Variants in HTRA4 observed in about 807,000 individuals in gnomAD.
HTRA4 encodes HtrA serine peptidase 4.
Under a neutral mutation model 49.1 loss-of-function variants are expected in HTRA4, and 46 were observed. The observed-to-expected ratio is 0.94, with a 90% CI of 0.74 to 1.20. HTRA4 has a LOEUF of 1.20. Ranked by LOEUF, HTRA4 falls within the 50% of genes most tolerant of loss-of-function variation. The pLI is 0.00. For missense variants in HTRA4, 602 were observed against 636.9 expected, an observed-to-expected ratio of 0.95 and a Z score of 0.59; for synonymous variants, 261 against 264.0, an observed-to-expected ratio of 0.99 and a Z score of 0.11.
Position 38,988,104 on chromosome 8 carries a change from T to C in HTRA4, c.*6T>C, listed in dbSNP as rs749251540. 6.4e-7 allele frequency: 1 copy of C among 1,568,322 alleles called. No individual in the cohort carries two copies. The highest frequency in any genetic ancestry group is 2.0e-5 in the Admixed American group (1 of 48,950). ...TACCTGAAACAATCAATTAAATATC[T>C]TGTTTTAAAGTGGGATTATCTAAAA... is the stretch of plus-strand genomic sequence containing the variant. On this transcript the variant is annotated 3_prime_UTR_variant, in exon 9 of 9. Transcript: ENST00000302495.
rs1564179001 is a variant in HTRA4, at chr8:38,981,076, T to TTTTTTTTG, written c.1000-570_1000-569insGTTTTTTT. ...AAATGAGCTTAAGTTTTTTTTTTTT[T>TTTTTTTTG]TTTTTTTTTTTTTTTTTTTTTGAGA... On this transcript the variant is annotated intron_variant, in intron 5 of 8. Transcript: ENST00000302495. Among the ~76,000 whole-genome samples the TTTTTTTTG allele has an allele frequency of 8.6e-4, 90 of 104,264 alleles. No homozygotes were observed. In the East Asian group the frequency reaches 0.02, roughly 23 times the overall value. The allele number at this position is 104,264 out of a possible 152,430, so 68.4% of individuals were successfully genotyped here.
intron 8 of HTRA4, 35 bp from the exon 9 acceptor site, chr8:38,987,901 G>A (rs1835503623): frequency 6.6e-7 from 1 of 1,511,022 alleles, no homozygotes; most frequent in South Asian, 1.3e-5. Context: ...TCTTGTTATA[G>A]TTTCATGATC....
rs114896954 is a variant in HTRA4, at chr8:38,976,557, G to A, written c.589G>A (p.Val197Ile). 1 of 1,614,040 alleles carries A rather than the reference G, an allele frequency of 6.2e-7. No homozygotes were observed. The highest frequency in any genetic ancestry group is 8.5e-7 in the Non-Finnish European group (1 of 1,180,040). Residue 197 changes from valine to isoleucine, a missense_variant, in exon 3 of 9, where the codon GTT becomes ATT. Physicochemically the swap from Val to Ile is conservative, Grantham distance 29 (BLOSUM62 3). Coordinates refer to ENST00000302495, the MANE Select transcript of HTRA4 (RefSeq NM_153692.4). ...WGRLLHGSRL[V>I]PVYSGSGFIV... ...CAGGTTACTTCACGGCAGCAGGCTTGTTCCTGTGTACAGTGGCTCTGGGTT... is the reference window on the plus strand; with the variant it reads ...CAGGTTACTTCACGGCAGCAGGCTTATTCCTGTGTACAGTGGCTCTGGGTT...
rs746974269 is a variant in HTRA4 at position 38,979,299 on chromosome 8, C to G, written c.999+52C>G. 4 of 1,540,906 alleles carry G rather than the reference C, an allele frequency of 2.6e-6. No homozygotes were observed. The South Asian group carries it at 4.5e-5, about 17-fold the overall frequency. ...CATGTTTCTTCTTAACTTTCAAAGACTTTATTAATTCCAGGCCAGGGGTGG... is the reference window on the plus strand; with the variant it reads ...CATGTTTCTTCTTAACTTTCAAAGAGTTTATTAATTCCAGGCCAGGGGTGG... On this transcript the variant is annotated intron_variant, in intron 5 of 8. Coordinates refer to ENST00000302495, the MANE Select transcript of HTRA4 (RefSeq NM_153692.4).
intron 5 of HTRA4, among the ~76,000 whole-genome samples, chr8:38,980,411 A>C (rs1331097664): frequency 1.3e-5 from 2 of 151,996 alleles, no homozygotes; most frequent in Non-Finnish European, 2.9e-5. Flanking sequence ...CTGAATTACA[A>C]TCTGTAGTTT....
chr8:38,976,739 TGTGA>T lies in HTRA4; in HGVS notation c.771+3_771+6del, dbSNP rs1437940039. ...TTGCGGTGATTAAGATTGAATCAAA[TGTGA>T]GTATTTCAGGGCTGAGTCAGAGTCT... is the stretch of plus-strand genomic sequence containing the variant. On this transcript the variant is annotated splice_donor_variant and splice_donor_region_variant and intron_variant, in intron 3 of 8. Transcript: ENST00000302495. LOFTEE classifies it high-confidence loss of function. 1 of 1,614,136 alleles carries T rather than the reference TGTGA, an allele frequency of 6.2e-7. No homozygotes were observed. Among genetic ancestry groups the T allele is most frequent in the Non-Finnish European group, 8.5e-7 (1 of 1,179,994 alleles).
At position 38,976,671 on chromosome 8, in the gene HTRA4, C is replaced by G. The variant is rs762784588; in HGVS notation, c.703C>G (p.Arg235Gly). 1.9e-6 allele frequency: 3 copies of G among 1,613,582 alleles called. No individual in the cohort carries two copies. In the African/African-American group the frequency reaches 4.0e-5, roughly 22 times the overall value. ...WIEVVLQNGA[R>G]YEAVVKDIDL... ...TGAGGTGGTGCTCCAGAATGGGGCC[C>G]GTTATGAAGCTGTTGTCAAGGATAT... Residue 235 changes from arginine to glycine, a missense_variant, in exon 3 of 9, where the codon CGT becomes GGT. By Grantham distance (125) the Arg-to-Gly change is moderately radical (BLOSUM62 -2). Transcript: ENST00000302495.
Position 38,974,278 on chromosome 8 carries a change from G to A in HTRA4, c.15G>A (p.Gln5=). 1 of 1,612,244 alleles carries A rather than the reference G, an allele frequency of 6.2e-7. No individual in the cohort carries two copies. The highest frequency in any genetic ancestry group is 1.1e-5 in the South Asian group (1 of 90,668). The change falls in exon 1 of 9, where the codon CAG becomes CAA. Residue 5 remains glutamine, a synonymous_variant. Coordinates refer to ENST00000302495, the MANE Select transcript of HTRA4 (RefSeq NM_153692.4). MIRP[Q]LRTAGLGRCL... is the part of the protein sequence containing the mutation. ...GAAGGAACAGGATGATTAGACCTCA[G>A]CTGCGGACCGCGGGGCTGGGACGAT...
At position 38,988,081 on chromosome 8, in the gene HTRA4, C is replaced by A. The variant is rs757525622; in HGVS notation, c.1414C>A (p.Pro472Thr). 1.3e-6 allele frequency: 2 copies of A among 1,589,748 alleles called. No homozygotes were observed. The highest frequency in any genetic ancestry group is 1.7e-6 in the Non-Finnish European group (2 of 1,172,886). Reference sequence around the variant, plus strand: ...AGATAATTTGCTCCTGACAGTCATACCTGAAACAATCAATTAAATATCTTG... The same window carrying A: ...AGATAATTTGCTCCTGACAGTCATAACTGAAACAATCAATTAAATATCTTG... ...GKDNLLLTVI[P>T]ETIN Residue 472 changes from proline to threonine, a missense_variant, in exon 9 of 9, where the codon CCT (proline) becomes ACT (threonine). Coordinates refer to ENST00000302495, the MANE Select transcript of HTRA4 (RefSeq NM_153692.4).
chr8:38,984,090 T>A (rs1352268101), intron 8 of HTRA4, among the ~76,000 whole-genome samples: 1 of 151,874 alleles, frequency 6.6e-6, no homozygotes, highest in Non-Finnish European at 1.5e-5. Flanking sequence ...AACCTCCACC[T>A]CTCAGGTTCA....
In HTRA4 at chr8:38,974,481, C is replaced by T. The variant is rs1034059950; in HGVS notation, c.218C>T (p.Pro73Leu). The change falls in exon 1 of 9, where the codon CCC becomes CTC. Residue 73 changes from proline (P) to leucine (L), a missense_variant. Pro to Leu is a moderately conservative substitution (Grantham distance 98). Coordinates refer to ENST00000302495, the MANE Select transcript of HTRA4 (RefSeq NM_153692.4). ...FDLCRCCRVC[P>L]AAEREVCGGA... is the part of the protein sequence containing the mutation. ...CTGTGCCGCTGTTGCCGCGTCTGCC[C>T]CGCGGCCGAGCGTGAAGTCTGCGGC... The T allele has an allele frequency of 2.6e-6, 4 of 1,523,120 alleles. No individual in the cohort carries two copies. In the African/African-American group the frequency reaches 4.2e-5, roughly 16 times the overall value. The allele number at this position is 1,523,120 out of a possible 1,614,324, so 94.4% of individuals were successfully genotyped here.
At chr8:38,983,404 T>G (rs1202621860) in intron 8 of HTRA4, among the ~76,000 whole-genome samples, 1 of 151,958 alleles carries the variant, frequency 6.6e-6, no homozygotes, top group African/African-American at 2.4e-5. Flanking sequence ...GGTGCGCCTG[T>G]AATTGCAGTT....
chr8:38,979,162 G>A, intron 4 of HTRA4, 53 bp from the exon 5 acceptor site: 1 of 1,485,494 alleles, frequency 6.7e-7, no homozygotes, highest in Non-Finnish European at 9.4e-7. Flanking sequence ...TAAAGGACAA[G>A]GGGGAATGTA....
At chr8:38,980,793 A>G (rs1198305974) in intron 5 of HTRA4, among the ~76,000 whole-genome samples, 1 of 152,066 alleles carries the variant, frequency 6.6e-6, no homozygotes, top group Non-Finnish European at 1.5e-5. Flanking sequence ...CATTACCTAA[A>G]AGGCTAAAGG....
At chr8:38,974,929 C>T in intron 1 of HTRA4, 102 bp from the exon 2 acceptor site, 2 of 1,407,768 alleles carry the variant, frequency 1.4e-6, no homozygotes, top group African/African-American at 2.8e-5. Flanking sequence ...TTCTCCCTCC[C>T]CATGCACCTT....
rs991396153 is a variant in HTRA4 at position 38,988,304 on chromosome 8, C to T, written c.*206C>T. ...TATACACCATGGAATACTATGCAGC[C>T]ATAAAAAGCAACAGTCCTCTGCAGG... On this transcript the variant is annotated 3_prime_UTR_variant, in exon 9 of 9. Transcript: ENST00000302495. 3.4e-5 allele frequency: 15 copies of T among 435,564 alleles called. No individual in the cohort carries two copies. The highest frequency in any genetic ancestry group is 2.9e-4 in the African/African-American group (14 of 48,294). The allele number at this position is 435,564 out of a possible 1,614,324, so 27.0% of individuals were successfully genotyped here. A position where few individuals can be genotyped will look rare whatever the true frequency, so the allele number is the denominator to read the frequency against.
At chr8:38,987,231 C>T (rs985962178) in intron 8 of HTRA4, among the ~76,000 whole-genome samples, 11 of 152,168 alleles carry the variant, frequency 7.2e-5, no homozygotes, top group African/African-American at 2.7e-4. Flanking sequence ...CACCAAATCA[C>T]TGGCATGGCT....
At chr8:38,987,138 C>T (rs80086638) in intron 8 of HTRA4, among the ~76,000 whole-genome samples, 4,086 of 152,296 alleles carry the variant, frequency 0.027, 90 homozygotes, top group Non-Finnish European at 0.042. Flanking sequence ...GATCAAACCA[C>T]ATTATCATTC....
intron 2 of HTRA4, among the ~76,000 whole-genome samples, chr8:38,975,928 T>C (rs1835345889): frequency 6.6e-6 from 1 of 152,158 alleles, no homozygotes. Flanking sequence ...TTGGGTTCAG[T>C]CTTTTCGCAG....
Sources: gnomAD v4.1 joint callset for allele counts (sites outside exome capture counted in the v4.1 genomes callset) on GRCh38, gnomAD v4.1.1 for gene constraint, MANE v1.5 for transcripts, NCBI Gene and HGNC (gene_info 2026-07-23, HGNC 2026-07-21) for gene names.